The following ATRNL1 variants were observed in gnomAD, a reference collection of about 807,000 sequenced individuals.
The protein encoded by ATRNL1 is attractin-like protein 1.
A neutral mutation model predicts 182.7 loss-of-function variants in ATRNL1; 95 were observed. That is an observed-to-expected ratio of 0.52 (90% confidence interval 0.44 to 0.62). ATRNL1 has a LOEUF of 0.62. ATRNL1 is among the 20% of genes least tolerant of loss of function. The pLI, the probability that ATRNL1 is intolerant of heterozygous loss-of-function variation, is 0.00. For missense variants in ATRNL1, 1,471 were observed against 1,679.5 expected, an observed-to-expected ratio of 0.88 and a Z score of 2.17; for synonymous variants, 576 against 568.3, an observed-to-expected ratio of 1.01 and a Z score of -0.19.
At chr10:115,686,293 C>T (rs1375946053) in intron 26 of ATRNL1, among the ~76,000 whole-genome samples, 1 of 151,948 alleles carries the variant, frequency 6.6e-6, no homozygotes, top group Admixed American at 6.6e-5. Flanking sequence ...AGTACAATAC[C>T]GCAAATGGTT....
intron 10 of ATRNL1, among the ~76,000 whole-genome samples, chr10:115,243,938 C>T (rs1213051397): frequency 2.6e-5 from 4 of 151,942 alleles, no homozygotes; most frequent in African/African-American, 7.2e-5. Context: ...TCTGTTTTAT[C>T]CTCCTGGGTT....
chr10:115,503,185 A>AAAAATT (rs1849933674), intron 24 of ATRNL1, among the ~76,000 whole-genome samples: 1 of 152,186 alleles, frequency 6.6e-6, no homozygotes, highest in Non-Finnish European at 1.5e-5. Context: ...CCTTAATTAA[A>AAAAATT]AAAATTAATT....
At chr10:115,761,005 CA>C (rs1388113818) in intron 27 of ATRNL1, among the ~76,000 whole-genome samples, 1 of 152,116 alleles carries the variant, frequency 6.6e-6, no homozygotes, top group African/African-American at 2.4e-5. Context: ...GGAGTAAAGT[CA>C]TGAGAAAACA....
chr10:115,689,157 A>G (rs1026850715), intron 26 of ATRNL1, among the ~76,000 whole-genome samples: 3 of 152,072 alleles, frequency 2.0e-5, no homozygotes, highest in Admixed American at 6.6e-5. Flanking sequence ...CTATGGGTCT[A>G]TGTGTCTGTT....
At chr10:115,901,515 TG>T (rs1250640142) in intron 28 of ATRNL1, among the ~76,000 whole-genome samples, 3 of 152,100 alleles carry the variant, frequency 2.0e-5, no homozygotes, top group African/African-American at 4.8e-5. Flanking sequence ...TTTTAGGCAG[TG>T]GGTTTTTTGT....
In ATRNL1 at chr10:115,193,250, T is replaced by G. The variant is rs376557025; in HGVS notation, c.1348+21958T>G. Among the ~76,000 whole-genome samples, 6 of 152,128 alleles carry G rather than the reference T, an allele frequency of 3.9e-5. No homozygotes were observed. The East Asian group carries it at 7.7e-4, about 20-fold the overall frequency. On this transcript the variant is annotated intron_variant, in intron 8 of 28. Transcript: ENST00000355044. ...GAAGTATGTTTCTTCTGTACCCAGT[T>G]TTTTAGTTTTTATAGTGAAAGGATT...
intron 21 of ATRNL1, among the ~76,000 whole-genome samples, chr10:115,445,335 G>A (rs149731965): frequency 6.8e-6 from 1 of 147,176 alleles, no homozygotes; most frequent in African/African-American, 2.5e-5. Context: ...AGGAGCTGAG[G>A]CACAAGAATT....
At chr10:115,622,428 T>C (rs1035615362) in intron 26 of ATRNL1, among the ~76,000 whole-genome samples, 1 of 152,202 alleles carries the variant, frequency 6.6e-6, no homozygotes, top group Non-Finnish European at 1.5e-5. Flanking sequence ...GAAAAGTCAT[T>C]GGCAAAAGTT....
chr10:115,405,966 G>C (rs1248531399), intron 20 of ATRNL1, among the ~76,000 whole-genome samples: 1 of 151,192 alleles, frequency 6.6e-6, no homozygotes, highest in Non-Finnish European at 1.5e-5. Flanking sequence ...CCTTGCAATA[G>C]TTTGCTGAGA....
chr10:115,177,895 GTTTTTTTGTTTTTTTTGTTTT>G (rs1847583532), intron 8 of ATRNL1, among the ~76,000 whole-genome samples: 4 of 96,576 alleles, frequency 4.1e-5, no homozygotes, highest in South Asian at 3.8e-4. Context: ...TTTTGGTTTT[GTTTTTTTGTTTTTTTTGTTTT>G]TTTTTTTGTT....
At chr10:115,303,062 A>G (rs1174768215) in intron 17 of ATRNL1, among the ~76,000 whole-genome samples, 5 of 151,720 alleles carry the variant, frequency 3.3e-5, no homozygotes, top group Non-Finnish European at 2.9e-5. Context: ...TGTTGGTTGC[A>G]TTCATTCATA....
intron 26 of ATRNL1, among the ~76,000 whole-genome samples, chr10:115,610,857 C>T (rs975447598): frequency 2.8e-4 from 43 of 152,210 alleles, no homozygotes; most frequent in African/African-American, 1.0e-3. Context: ...GAGTTATATA[C>T]TTAAGGAACC....
chr10:115,945,141 A>G lies in ATRNL1; in HGVS notation c.*362A>G, dbSNP rs1405052684. The G allele has an allele frequency of 6.4e-6, 1 of 157,156 alleles. No homozygotes were observed. Among genetic ancestry groups the G allele is most frequent in the Non-Finnish European group, 1.4e-5 (1 of 71,494 alleles). The allele number at this position is 157,156 out of a possible 1,614,324, so 9.7% of individuals were successfully genotyped here. A position where few individuals can be genotyped will look rare whatever the true frequency, so the allele number is the denominator to read the frequency against. ...AAGAAAGACATTTTTTAATGCCTGAATGATGAGAATTGTACAGTTTTTGCC... is the reference window on the plus strand; with the variant it reads ...AAGAAAGACATTTTTTAATGCCTGAGTGATGAGAATTGTACAGTTTTTGCC... On this transcript the variant is annotated 3_prime_UTR_variant, in exon 29 of 29. Transcript: ENST00000355044.
At chr10:115,716,615 G>A (rs1319711757) in intron 26 of ATRNL1, among the ~76,000 whole-genome samples, 1 of 152,132 alleles carries the variant, frequency 6.6e-6, no homozygotes, top group Non-Finnish European at 1.5e-5. Flanking sequence ...TCTTTCTTCA[G>A]TAAATTACTT....
intron 20 of ATRNL1, among the ~76,000 whole-genome samples, chr10:115,410,066 G>T (rs782473612): frequency 4.6e-5 from 7 of 152,042 alleles, no homozygotes; most frequent in Non-Finnish European, 5.9e-5. Context: ...TTACATTCCA[G>T]GGATAAACCC....
chr10:115,346,154 G>A (rs1404618334), intron 19 of ATRNL1, among the ~76,000 whole-genome samples: 4 of 152,106 alleles, frequency 2.6e-5, no homozygotes, highest in African/African-American at 9.7e-5. Context: ...ACAGTTTAGT[G>A]GCATTAAGGA....
At chr10:115,750,326 A>G (rs1555070351) in intron 27 of ATRNL1, among the ~76,000 whole-genome samples, 1 of 151,934 alleles carries the variant, frequency 6.6e-6, no homozygotes, top group Non-Finnish European at 1.5e-5. Flanking sequence ...TAGATCAAAT[A>G]AAGTATGGAA....
intron 27 of ATRNL1, among the ~76,000 whole-genome samples, chr10:115,819,473 G>A (rs1246409331): frequency 6.6e-6 from 1 of 151,956 alleles, no homozygotes; most frequent in Non-Finnish European, 1.5e-5. Context: ...AAATTAAGAG[G>A]TTTTCTTGAC....
chr10:115,214,221 A>G (rs1340374714), intron 8 of ATRNL1, among the ~76,000 whole-genome samples: 1 of 151,980 alleles, frequency 6.6e-6, no homozygotes, highest in African/African-American at 2.4e-5. Flanking sequence ...TTTACATTTT[A>G]TACCTCTTAA....
Sources: allele counts gnomAD v4.1 joint callset (sites outside exome capture counted in the v4.1 genomes callset), GRCh38; gene constraint gnomAD v4.1.1; transcripts MANE v1.5; gene names NCBI Gene and HGNC (gene_info 2026-07-23, HGNC 2026-07-21).